ERC1: variants seen among roughly 807,000 people sequenced by gnomAD.
ERC1 encodes RAB6 interacting protein 2.
In ERC1, 56 loss-of-function variants were observed where a neutral mutation model predicts 132.0. That is an observed-to-expected ratio of 0.42 (90% confidence interval 0.34 to 0.53). ERC1 has a LOEUF of 0.53. Ranked by LOEUF, ERC1 falls within the 20% of genes least tolerant of loss-of-function variation. The probability of loss-of-function intolerance (pLI) is 0.03; values close to 1 mark genes in which losing one functional copy is unlikely to be tolerated. For synonymous variants in ERC1, 478 were observed against 476.1 expected (o/e 1.00, Z -0.05); for missense variants, 1,202 against 1,349.9 (o/e 0.89, Z 1.72).
intron 8 of ERC1, among the ~76,000 whole-genome samples, chr12:1,150,365 A>G (rs945449081): frequency 6.6e-6 from 1 of 152,238 alleles, no homozygotes; most frequent in African/African-American, 2.4e-5. Flanking sequence ...CCAGAAGCAG[A>G]ACATATTCAT....
Position 1,490,615 on chromosome 12 carries a change from C to T in ERC1, c.*385C>T. On this transcript the variant is annotated 3_prime_UTR_variant, in exon 19 of 19. Transcript: ENST00000360905. ...TGAAACCAGGAATGGACTTGGAGTT[C>T]AACAGGCTGAGAGGATGCCTCCAAT... 1 of 259,442 alleles carries T rather than the reference C, an allele frequency of 3.9e-6. No individual in the cohort carries two copies. The allele number at this position is 259,442 out of a possible 1,614,324, so 16.1% of individuals were successfully genotyped here. A position where few individuals can be genotyped will look rare whatever the true frequency, so the allele number is the denominator to read the frequency against.
intron 7 of ERC1, among the ~76,000 whole-genome samples, chr12:1,116,823 C>T (rs935687625): frequency 1.3e-5 from 2 of 152,036 alleles, no homozygotes; most frequent in African/African-American, 2.4e-5. Flanking sequence ...CCTCTTGATC[C>T]GCCCGCCTCT....
intron 12 of ERC1, among the ~76,000 whole-genome samples, chr12:1,235,716 A>G (rs960073947): frequency 6.6e-5 from 10 of 152,204 alleles, no homozygotes; most frequent in African/African-American, 2.4e-4. Flanking sequence ...ATAATGGCCA[A>G]CAGTTGTGCA....
intron 8 of ERC1, among the ~76,000 whole-genome samples, chr12:1,151,089 A>G (rs1038877352): frequency 2.6e-5 from 4 of 152,196 alleles, no homozygotes; most frequent in Admixed American, 2.6e-4. Flanking sequence ...TGCAAATCCA[A>G]AACTATTCTA....
intron 15 of ERC1, among the ~76,000 whole-genome samples, chr12:1,334,571 C>T (rs1156258693): frequency 1.3e-5 from 2 of 152,134 alleles, no homozygotes; most frequent in African/African-American, 4.8e-5. Flanking sequence ...TTGGGGCTCT[C>T]TCTTCTGTTC....
chr12:1,007,160 A>G (rs1963788444), intron 1 of ERC1, among the ~76,000 whole-genome samples: 3 of 152,182 alleles, frequency 2.0e-5, no homozygotes, highest in Admixed American at 6.6e-5. Flanking sequence ...TGCAAGAACT[A>G]GAAGGTTTAA....
At chr12:996,706 A>G (rs74345469) in intron 1 of ERC1, among the ~76,000 whole-genome samples, 8,130 of 152,298 alleles carry the variant, frequency 0.053, 358 homozygotes, top group Admixed American at 0.14. Context: ...ATTTTAAGAA[A>G]TAGGTAATAT....
intron 2 of ERC1, among the ~76,000 whole-genome samples, chr12:1,063,638 T>TA (rs1194269102): frequency 1.0e-3 from 151 of 151,690 alleles, no homozygotes; most frequent in African/African-American, 3.5e-3. Flanking sequence ...AGTCTTTTTT[T>TA]AAAAAAAAAT....
chr12:1,141,751 T>C lies in ERC1; in HGVS notation c.1701T>C (p.Asp567=). The change falls in exon 8 of 19, where the codon GAT becomes GAC. Residue 567 remains aspartate (D), a synonymous_variant. Coordinates refer to ENST00000360905, the MANE Select transcript of ERC1 (RefSeq NM_178040.4). Reference sequence around the variant, plus strand: ...TACATGACCTCAAGGACATGTTGGATGTGAAGGAGCGGAAGGTTAATGTTC... The same window carrying C: ...TACATGACCTCAAGGACATGTTGGACGTGAAGGAGCGGAAGGTTAATGTTC... The part of the protein sequence containing the change: ...GEIHDLKDML[D]VKERKVNVLQ... The C allele has an allele frequency of 6.2e-7, 1 of 1,610,914 alleles. No homozygotes were observed. Among genetic ancestry groups the C allele is most frequent in the Non-Finnish European group, 8.5e-7 (1 of 1,178,466 alleles).
intron 9 of ERC1, among the ~76,000 whole-genome samples, chr12:1,180,936 C>T (rs1192452412): frequency 6.6e-6 from 1 of 151,972 alleles, no homozygotes; most frequent in Admixed American, 6.6e-5. Context: ...CTCAGCCTCC[C>T]GAGTAGCTGA....
chr12:1,343,911 C>T (rs762281886), intron 15 of ERC1, among the ~76,000 whole-genome samples: 8 of 152,120 alleles, frequency 5.3e-5, no homozygotes, highest in African/African-American at 9.6e-5. Flanking sequence ...GCGCGATCTC[C>T]GCTCACTGTA....
At chr12:1,069,995 G>C (rs1465328230) in intron 2 of ERC1, among the ~76,000 whole-genome samples, 1 of 152,186 alleles carries the variant, frequency 6.6e-6, no homozygotes, top group African/African-American at 2.4e-5. Context: ...AAAGGAAGTT[G>C]CAGAGATAAC....
intron 12 of ERC1, among the ~76,000 whole-genome samples, chr12:1,232,439 G>C (rs888306185): frequency 1.3e-5 from 2 of 152,156 alleles, no homozygotes; most frequent in Non-Finnish European, 2.9e-5. Flanking sequence ...TAATGCACAT[G>C]CTCATTCATT....
intron 15 of ERC1, among the ~76,000 whole-genome samples, chr12:1,302,135 A>G (rs1470705601): frequency 6.6e-6 from 1 of 152,244 alleles, no homozygotes; most frequent in Non-Finnish European, 1.5e-5. Flanking sequence ...CAATATAAAT[A>G]AGAAAGCTAA....
chr12:1,272,757 G>T (rs1160986491), intron 14 of ERC1, among the ~76,000 whole-genome samples: 1 of 151,954 alleles, frequency 6.6e-6, no homozygotes, highest in Non-Finnish European at 1.5e-5. Flanking sequence ...AGACCAGCCT[G>T]GCCAAGATGG....
chr12:1,262,022 C>A (rs889816623), intron 13 of ERC1, among the ~76,000 whole-genome samples: 3 of 152,080 alleles, frequency 2.0e-5, no homozygotes, highest in Admixed American at 6.5e-5. Context: ...AAAGGACTTA[C>A]AAAAGTGGGC....
chr12:1,323,014 C>G (rs570671674), intron 15 of ERC1, among the ~76,000 whole-genome samples: 2 of 152,244 alleles, frequency 1.3e-5, no homozygotes, highest in African/African-American at 4.8e-5. Flanking sequence ...TCTGTTTCAT[C>G]TCTCTTCTTA....
chr12:1,253,964 A>G (rs998334691), intron 13 of ERC1, among the ~76,000 whole-genome samples: 1 of 152,146 alleles, frequency 6.6e-6, no homozygotes, highest in Non-Finnish European at 1.5e-5. Context: ...AGACCCCTCA[A>G]AGTAGTCACA....
Position 1,028,238 on chromosome 12 carries a change from A to G in ERC1, c.335A>G (p.Asn112Ser), listed in dbSNP as rs759077188. The G allele has an allele frequency of 1.7e-5, 28 of 1,614,020 alleles. No individual in the cohort carries two copies. Among genetic ancestry groups the G allele is most frequent in the African/African-American group, 1.1e-4 (8 of 74,904 alleles). ...ATGACTGCTATGGGTAGTAGCCCCAATATAGCTAGCAGTGGGGTTGCTAGT... is the reference window on the plus strand; with the variant it reads ...ATGACTGCTATGGGTAGTAGCCCCAGTATAGCTAGCAGTGGGGTTGCTAGT... ...VRMTAMGSSP[N>S]IASSGVASDT... The change falls in exon 2 of 19, where the codon AAT (asparagine) becomes AGT (serine). Residue 112 changes from asparagine to serine, a missense_variant. Coordinates refer to ENST00000360905, the MANE Select transcript of ERC1 (RefSeq NM_178040.4).
Sources: gnomAD v4.1 joint callset for allele counts (sites outside exome capture counted in the v4.1 genomes callset) on GRCh38, gnomAD v4.1.1 for gene constraint, MANE v1.5 for transcripts, NCBI Gene and HGNC (gene_info 2026-07-23, HGNC 2026-07-21) for gene names.